The following USP20 variants were observed in gnomAD, a reference collection of about 807,000 sequenced individuals.
USP20 encodes ubiquitin specific peptidase 20.
USP20 carries 80 observed loss-of-function variants against 124.2 expected under a neutral mutation model. The ratio of observed to expected loss-of-function variants is 0.64; its 90% CI spans 0.54 to 0.78. The LOEUF (loss-of-function observed/expected upper bound fraction) is 0.78, where lower values mean the gene tolerates loss of function less well. USP20 is among the 30% of genes least tolerant of loss of function. USP20 has a pLI of 0.00. For synonymous variants in USP20, 481 were observed against 512.3 expected (o/e 0.94, Z 0.83); for missense variants, 1,043 against 1,244.4 (o/e 0.84, Z 2.44).
intron 9 of USP20, among the ~76,000 whole-genome samples, chr9:129,864,061 G>A (rs1225350480): frequency 1.4e-5 from 2 of 147,584 alleles, no homozygotes; most frequent in African/African-American, 2.5e-5. Context: ...AGCCGAGATC[G>A]CACCACTGCA....
chr9:129,836,951 G>C (rs547904665), intron 1 of USP20, among the ~76,000 whole-genome samples: 4 of 151,366 alleles, frequency 2.6e-5, no homozygotes, highest in Non-Finnish European at 4.4e-5. Context: ...CATCCACCAG[G>C]GGGTACTGGA....
At chr9:129,863,337 G>A in intron 9 of USP20, 38 bp downstream of exon 9, 1 of 1,485,820 alleles carries the variant, frequency 6.7e-7, no homozygotes, top group Non-Finnish European at 9.1e-7. Flanking sequence ...CGGTGTGTGG[G>A]GACTGGGGTT....
At chr9:129,855,978 A>G (rs1220141057) in intron 3 of USP20, among the ~76,000 whole-genome samples, 1 of 152,150 alleles carries the variant, frequency 6.6e-6, no homozygotes, top group African/African-American at 2.4e-5. Context: ...AGGAAGAGTA[A>G]GGGGTGGGAA....
chr9:129,879,866 A>G lies in USP20; in HGVS notation c.2584+222A>G, dbSNP rs1413576966. ...CCTCTGCCTGCTGCTGGCCTTGCCC[A>G]CCCTGCTGTTTATGTCAGCCCCACC... On this transcript the variant is annotated intron_variant, in intron 24 of 25. Transcript: ENST00000372429. The surrounding 1 kb of genome is among the most constrained non-coding windows in gnomAD (Gnocchi z 4.2). 1.3e-5 allele frequency among the ~76,000 whole-genome samples: 2 copies of G among 151,206 alleles called. No homozygotes were observed. The highest frequency in any genetic ancestry group is 4.9e-5 in the African/African-American group (2 of 41,128).
At chr9:129,870,669 C>G in intron 15 of USP20, 122 bp downstream of exon 15, 1 of 1,162,942 alleles carries the variant, frequency 8.6e-7, no homozygotes, top group South Asian at 1.5e-5. Context: ...CTAGACTTGG[C>G]TTCCAAGGTT....
chr9:129,868,801 T>C lies in USP20; in HGVS notation c.1136-61T>C, dbSNP rs1210564149. On this transcript the variant is annotated intron_variant, in intron 11 of 25. Transcript: ENST00000372429. ...AGGAGGGGCTGGCAGGTCATCTTCC[T>C]GCCCACTCGTGGAGCTGGCCTGGCT... 2.0e-6 allele frequency: 3 copies of C among 1,504,488 alleles called. No individual in the cohort carries two copies. In the African/African-American group the frequency reaches 4.2e-5, roughly 21 times the overall value. The allele number at this position is 1,504,488 out of a possible 1,614,324, so 93.2% of individuals were successfully genotyped here.
chr9:129,838,647 T>C (rs1002347562), intron 1 of USP20, among the ~76,000 whole-genome samples: 1 of 152,210 alleles, frequency 6.6e-6, no homozygotes, highest in African/African-American at 2.4e-5. Flanking sequence ...CAGATCATGC[T>C]GCCTGAAAAG....
At position 129,878,437 on chromosome 9, in the gene USP20, A is replaced by G. The variant is rs1274482280; in HGVS notation, c.2509A>G (p.Asn837Asp). 2.5e-6 allele frequency: 4 copies of G among 1,605,138 alleles called. No homozygotes were observed. Among genetic ancestry groups the G allele is most frequent in the African/African-American group, 2.7e-5 (2 of 74,970 alleles). Residue 837 changes from asparagine (N) to aspartate (D), a missense_variant, in exon 23 of 26, where the codon AAC (asparagine) becomes GAC (aspartate). Physicochemically the swap from Asn to Asp is conservative, Grantham distance 23. Transcript: ENST00000372429. ...EWEAFVKGKD[N>D]EPPGPIDNSR... The stretch of plus-strand genomic sequence containing the variant: ...GGAGGCGTTCGTCAAGGGGAAGGAC[A>G]ACGGTGAGCTGAGGGGGGACCTGGC...
At position 129,875,542 on chromosome 9, in the gene USP20, C is replaced by G. The variant is rs2034352213; in HGVS notation, c.2219-18C>G. On this transcript the variant is annotated intron_variant, in intron 20 of 25. Transcript: ENST00000372429. ...GCTGGGCCGAGCCACAGCTTCGCTC[C>G]CTGTACCTTCTTCCCAGGCATCCCG... 6.2e-7 allele frequency: 1 copy of G among 1,613,904 alleles called. No individual in the cohort carries two copies. Among genetic ancestry groups the G allele is most frequent in the South Asian group, 1.1e-5 (1 of 91,080 alleles).
At position 129,852,727 on chromosome 9, in the gene USP20, G is replaced by A. The variant is rs2032994211; in HGVS notation, c.81+91G>A. On this transcript the variant is annotated intron_variant, in intron 3 of 25. Coordinates refer to ENST00000372429, the MANE Select transcript of USP20 (RefSeq NM_001110303.4). ...CATTTCTGAAGCAGTGGAAAAACTG[G>A]TTCCCTGACAGTCTCTGCTCAGCTT... The A allele has an allele frequency of 5.4e-6, 7 of 1,293,382 alleles. No homozygotes were observed. The South Asian group carries it at 7.8e-5, about 14-fold the overall frequency. The allele number at this position is 1,293,382 out of a possible 1,614,324, so 80.1% of individuals were successfully genotyped here.
intron 10 of USP20, among the ~76,000 whole-genome samples, chr9:129,867,536 G>A (rs2033878129): frequency 6.6e-6 from 1 of 152,064 alleles, no homozygotes. Flanking sequence ...TGGGTAGCGT[G>A]GCTTGGGGCA....
chr9:129,837,706 C>T (rs906784645), intron 1 of USP20, among the ~76,000 whole-genome samples: 7 of 152,106 alleles, frequency 4.6e-5, no homozygotes, highest in African/African-American at 4.8e-5. Flanking sequence ...GAATCACCTC[C>T]GGGAGGGTGG....
Position 129,874,929 on chromosome 9 carries a change from C to G in USP20, c.2022C>G (p.Asn674Lys). 1 of 1,614,016 alleles carries G rather than the reference C, an allele frequency of 6.2e-7. No individual in the cohort carries two copies. Among genetic ancestry groups the G allele is most frequent in the Non-Finnish European group, 8.5e-7 (1 of 1,180,018 alleles). ...VTEVHETVVQNAEGYVLFYRK... is the reference protein window; with the variant it reads ...VTEVHETVVQKAEGYVLFYRK... Reference sequence around the variant, plus strand: ...AAGTCCACGAGACGGTGGTGCAGAACGCCGAGGGCTACGTACTCTTCTACA... The same window carrying G: ...AAGTCCACGAGACGGTGGTGCAGAAGGCCGAGGGCTACGTACTCTTCTACA... Residue 674 changes from asparagine to lysine, a missense_variant, in exon 19 of 26, where the codon AAC becomes AAG. Physicochemically the swap from Asn to Lys is moderately conservative, Grantham distance 94. Transcript: ENST00000372429.
chr9:129,842,216 A>T (rs1351755178), intron 1 of USP20, among the ~76,000 whole-genome samples: 1 of 152,190 alleles, frequency 6.6e-6, no homozygotes, highest in Non-Finnish European at 1.5e-5. Context: ...CAGACTTGCA[A>T]GGGGCAGAGT....
Position 129,868,128 on chromosome 9 carries a change from C to T in USP20, c.814C>T (p.Arg272Trp), listed in dbSNP as rs575515129. The T allele has an allele frequency of 1.7e-5, 28 of 1,614,134 alleles. No individual in the cohort carries two copies. The East Asian group carries it at 4.7e-4, about 27-fold the overall frequency. Residue 272 changes from arginine (R) to tryptophan (W), a missense_variant, in exon 11 of 26, where the codon CGG becomes TGG. Coordinates refer to ENST00000372429, the MANE Select transcript of USP20 (RefSeq NM_001110303.4). The part of the protein sequence containing the change: ...DSDSSDTDEK[R>W]EGDRSPSEDE... ...AGATTCGAGTGACACGGATGAGAAA[C>T]GGGAGGGTGACCGGAGCCCATCAGA...
At chr9:129,841,861 A>G (rs568331168) in intron 1 of USP20, among the ~76,000 whole-genome samples, 3 of 152,078 alleles carry the variant, frequency 2.0e-5, no homozygotes, top group Non-Finnish European at 2.9e-5. Context: ...CTCCATCACC[A>G]TGGCGCCTGT....
chr9:129,844,851 A>G (rs1006586587), intron 1 of USP20, among the ~76,000 whole-genome samples: 2 of 151,936 alleles, frequency 1.3e-5, no homozygotes, highest in African/African-American at 4.8e-5. Context: ...AGAAGATGAA[A>G]AATTTGAATA....
intron 3 of USP20, among the ~76,000 whole-genome samples, chr9:129,853,163 G>A (rs183164554): frequency 1.3e-3 from 102 of 80,710 alleles, no homozygotes; most frequent in Middle Eastern, 0.012. Flanking sequence ...GCCCACCCCC[G>A]GGTAAGCACT....
intron 1 of USP20, among the ~76,000 whole-genome samples, chr9:129,838,439 A>G (rs969246197): frequency 1.3e-5 from 2 of 152,168 alleles, no homozygotes; most frequent in Admixed American, 6.5e-5. Context: ...GCCAATTTCC[A>G]TTGATTATAA....
Sources: allele counts gnomAD v4.1 joint callset (sites outside exome capture counted in the v4.1 genomes callset), GRCh38; gene constraint gnomAD v4.1.1; non-coding constraint Gnocchi (gnomAD v3.1); transcripts MANE v1.5; gene names NCBI Gene and HGNC (gene_info 2026-07-23, HGNC 2026-07-21).